WDR72: variants seen among roughly 807,000 people sequenced by gnomAD.
WDR72 encodes the protein WD repeat-containing protein 72.
WDR72 carries 120 observed loss-of-function variants against 124.2 expected under a neutral mutation model. The observed-to-expected ratio is 0.97, with a 90% confidence interval of 0.83 to 1.12. The LOEUF (loss-of-function observed/expected upper bound fraction) is 1.12, where lower values mean the gene tolerates loss of function less well. WDR72 is among the 50% of genes most tolerant of loss of function. WDR72 has a pLI of 0.00. For missense variants in WDR72, 1,387 were observed against 1,278.8 expected (o/e 1.08, Z -1.29); for synonymous variants, 452 against 441.7 (o/e 1.02, Z -0.29).
At chr15:53,698,870 G>A (rs534065898) in intron 13 of WDR72, among the ~76,000 whole-genome samples, 2 of 152,258 alleles carry the variant, frequency 1.3e-5, no homozygotes, top group African/African-American at 4.8e-5. Context: ...AAATGAGCAG[G>A]AAAGCCCATC....
rs770517622 is a variant in WDR72 at position 53,705,222 on chromosome 15, T to C, written c.1114A>G (p.Thr372Ala). The C allele has an allele frequency of 1.9e-5, 31 of 1,613,408 alleles. No homozygotes were observed. The highest frequency in any genetic ancestry group is 1.3e-5 in the Non-Finnish European group (15 of 1,180,004). ...FDGSPREIPV[T>A]ATWTLQDNFD... The stretch of plus-strand genomic sequence containing the variant: ...TTATCTTGAAGAGTCCAGGTGGCAG[T>C]TACTGGTATCTCTAAAAAGAAAACA... Residue 372 changes from threonine (T) to alanine (A), a missense_variant, in exon 11 of 20, where the codon ACT (threonine) becomes GCT (alanine). Coordinates refer to ENST00000360509, the MANE Select transcript of WDR72 (RefSeq NM_182758.4).
intron 18 of WDR72, among the ~76,000 whole-genome samples, chr15:53,538,955 A>T (rs1430344552): frequency 4.6e-5 from 7 of 152,218 alleles, no homozygotes; most frequent in Non-Finnish European, 1.0e-4. Flanking sequence ...ACTTATAGAT[A>T]ATAGCAATAT....
At chr15:53,735,129 A>T (rs920337854) in intron 1 of WDR72, among the ~76,000 whole-genome samples, 2 of 152,082 alleles carry the variant, frequency 1.3e-5, no homozygotes, top group Non-Finnish European at 2.9e-5. Flanking sequence ...CTCCCTCTCT[A>T]CTAAAAATAC....
chr15:53,712,108 A>G (rs2017555960), intron 7 of WDR72, among the ~76,000 whole-genome samples: 1 of 152,222 alleles, frequency 6.6e-6, no homozygotes, highest in South Asian at 2.1e-4. Flanking sequence ...GGTGAAAAGT[A>G]TATTTTTAGT....
intron 18 of WDR72, among the ~76,000 whole-genome samples, chr15:53,564,806 T>C (rs1894237989): frequency 6.6e-6 from 1 of 151,818 alleles, no homozygotes; most frequent in Non-Finnish European, 1.5e-5. Context: ...GTGCTAGTCC[T>C]GCTGACAGCA....
Position 53,702,239 on chromosome 15 carries a change from G to A in WDR72, c.1464C>T (p.Asp488=), listed in dbSNP as rs753541343. 2.0e-5 allele frequency: 33 copies of A among 1,613,974 alleles called. No homozygotes were observed. Among genetic ancestry groups the A allele is most frequent in the Non-Finnish European group, 2.6e-5 (31 of 1,180,016 alleles). The part of the protein sequence containing the change: ...DQSWMLSGDL[D]SCVILWDIFT... ...AGATATCCCACAAGATCACACATGAGTCCAGGTCCCCAGACAACATCCAAC... is the reference window on the plus strand; with the variant it reads ...AGATATCCCACAAGATCACACATGAATCCAGGTCCCCAGACAACATCCAAC... The change falls in exon 12 of 20, where the codon GAC becomes GAT. Residue 488 remains aspartate, a synonymous_variant. Transcript: ENST00000360509.
chr15:53,697,510 CAAT>C (rs1389009748), intron 13 of WDR72, among the ~76,000 whole-genome samples: 1 of 152,188 alleles, frequency 6.6e-6, no homozygotes, highest in Non-Finnish European at 1.5e-5. Context: ...GTTCCAACAA[CAAT>C]GTTTTCTCCT....
intron 13 of WDR72, 143 bp from the exon 14 acceptor site, chr15:53,665,911 A>G (rs571187464): frequency 1.3e-6 from 1 of 781,384 alleles, no homozygotes; most frequent in Non-Finnish European, 2.1e-6. Flanking sequence ...ATAGCCTGGG[A>G]GCTTTTCCTA....
chr15:53,628,067 T>C (rs1412515005), intron 14 of WDR72, among the ~76,000 whole-genome samples: 3 of 152,134 alleles, frequency 2.0e-5, no homozygotes, highest in Non-Finnish European at 2.9e-5. Flanking sequence ...CTCAACCTTC[T>C]TTTCCCAGTT....
In WDR72 at chr15:53,702,374, C is replaced by T; in HGVS notation, c.1349-20G>A. Reference sequence around the variant, plus strand: ...GAGAATCTGAAAAACAATGAAACACCAAATAATACAGATGTTATTTTTGTT... The same window carrying T: ...GAGAATCTGAAAAACAATGAAACACTAAATAATACAGATGTTATTTTTGTT... On this transcript the variant is annotated intron_variant, in intron 11 of 19. Transcript: ENST00000360509. 2 of 1,553,746 alleles carry T rather than the reference C, an allele frequency of 1.3e-6. No individual in the cohort carries two copies. Among genetic ancestry groups the T allele is most frequent in the Non-Finnish European group, 1.8e-6 (2 of 1,125,752 alleles).
rs376464994 is a variant in WDR72 at position 53,727,201 on chromosome 15, C to T, written c.154-4293G>A. On this transcript the variant is annotated intron_variant, in intron 2 of 19. Coordinates refer to ENST00000360509, the MANE Select transcript of WDR72 (RefSeq NM_182758.4). ...GTGGATCTCATCACTGCACTCCAGC[C>T]TGGGTGACAGAGTAAGACTCTGTCT... Among the ~76,000 whole-genome samples, 81 of 131,900 alleles carry T rather than the reference C, an allele frequency of 6.1e-4. No homozygotes were observed. The East Asian group carries it at 0.01, about 16-fold the overall frequency. 86.5% of individuals were successfully genotyped at this position (131,900 alleles called of 152,430 possible).
In WDR72 at chr15:53,732,987, T is replaced by C; in HGVS notation, c.153+10A>G. On this transcript the variant is annotated intron_variant, in intron 2 of 19. Coordinates refer to ENST00000360509, the MANE Select transcript of WDR72 (RefSeq NM_182758.4). ...TGGTGTCTGTTTCAATATCAGTAGC[T>C]TTCACTAACCTTTAGTTCATGTGAG... 6.2e-7 allele frequency: 1 copy of C among 1,614,034 alleles called. No homozygotes were observed. Among genetic ancestry groups the C allele is most frequent in the Non-Finnish European group, 8.5e-7 (1 of 1,179,918 alleles).
intron 1 of WDR72, among the ~76,000 whole-genome samples, chr15:53,743,402 T>C (rs989525291): frequency 6.6e-6 from 1 of 152,150 alleles, no homozygotes; most frequent in Non-Finnish European, 1.5e-5. Flanking sequence ...TAGGTATATA[T>C]CAAATAAGAC....
chr15:53,755,294 G>A (rs536125367), intron 1 of WDR72, among the ~76,000 whole-genome samples: 14 of 152,152 alleles, frequency 9.2e-5, no homozygotes, highest in Non-Finnish European at 2.1e-4. Flanking sequence ...TCAACAAGAG[G>A]AGAAATAATT....
At chr15:53,581,421 T>G (rs1368628396) in intron 18 of WDR72, among the ~76,000 whole-genome samples, 1 of 152,078 alleles carries the variant, frequency 6.6e-6, no homozygotes, top group East Asian at 1.9e-4. Context: ...AGGTAAGAGT[T>G]TTCTCTGTTT....
intron 13 of WDR72, among the ~76,000 whole-genome samples, chr15:53,669,381 G>A (rs567776994): frequency 6.6e-6 from 1 of 152,218 alleles, no homozygotes; most frequent in East Asian, 1.9e-4. Flanking sequence ...TAGCCCTAGG[G>A]GGTGGAGGGG....
At chr15:53,591,619 C>A (rs2012499612) in intron 18 of WDR72, among the ~76,000 whole-genome samples, 1 of 151,872 alleles carries the variant, frequency 6.6e-6, no homozygotes, top group Non-Finnish European at 1.5e-5. Context: ...ATAAAATACA[C>A]ACAAAAATAG....
chr15:53,626,895 G>A (rs937310491), intron 14 of WDR72, among the ~76,000 whole-genome samples: 9 of 152,192 alleles, frequency 5.9e-5, no homozygotes, highest in African/African-American at 2.2e-4. Flanking sequence ...TAACACTGAT[G>A]CTTAAATCTG....
intron 1 of WDR72, among the ~76,000 whole-genome samples, chr15:53,739,632 A>G (rs896214733): frequency 2.0e-5 from 3 of 152,058 alleles, no homozygotes; most frequent in Non-Finnish European, 4.4e-5. Flanking sequence ...AGAAGGACAC[A>G]CATGGGCGTG....
Sources: allele counts gnomAD v4.1 joint callset (sites outside exome capture counted in the v4.1 genomes callset), GRCh38; gene constraint gnomAD v4.1.1; transcripts MANE v1.5; gene names NCBI Gene and HGNC (gene_info 2026-07-23, HGNC 2026-07-21).